Variants in TNR observed in about 807,000 individuals in gnomAD.
The protein encoded by TNR is tenascin-R.
A neutral mutation model predicts 150.4 loss-of-function variants in TNR; 45 were observed. That is an observed-to-expected ratio of 0.30 (90% CI 0.24 to 0.38). TNR has a LOEUF of 0.38. Ranked by LOEUF, TNR falls within the 10% of genes least tolerant of loss-of-function variation. The probability of loss-of-function intolerance (pLI) is 1.00; values close to 1 mark genes in which losing one functional copy is unlikely to be tolerated. For synonymous variants in TNR, 687 were observed against 678.4 expected, an observed-to-expected ratio of 1.01 and a Z score of -0.20; for missense variants, 1,544 against 1,759.1, an observed-to-expected ratio of 0.88 and a Z score of 2.19.
At chr1:175,732,519 A>C (rs1667671819) in intron 1 of TNR, among the ~76,000 whole-genome samples, 1 of 152,244 alleles carries the variant, frequency 6.6e-6, no homozygotes, top group Admixed American at 6.5e-5. Flanking sequence ...AGGGGGTAGG[A>C]CTGGCAGAAC....
intron 4 of TNR, among the ~76,000 whole-genome samples, chr1:175,399,899 T>C (rs1014398132): frequency 6.6e-6 from 1 of 152,244 alleles, no homozygotes; most frequent in Non-Finnish European, 1.5e-5. Context: ...TGTGTCTTAC[T>C]CCAAAGAGTA....
intron 1 of TNR, among the ~76,000 whole-genome samples, chr1:175,638,212 T>C (rs530470676): frequency 1.3e-5 from 2 of 152,214 alleles, no homozygotes; most frequent in Non-Finnish European, 2.9e-5. Context: ...TTATACAGAA[T>C]CCTGCTGGAA....
At chr1:175,417,030 AG>A in intron 2 of TNR, among the ~76,000 whole-genome samples, 1 of 96,976 alleles carries the variant, frequency 1.0e-5, no homozygotes, top group Non-Finnish European at 2.2e-5. Flanking sequence ...AAAGAAAGAA[AG>A]AAAGAAAGAA....
At chr1:175,620,273 C>T (rs1025604755) in intron 1 of TNR, among the ~76,000 whole-genome samples, 4 of 152,160 alleles carry the variant, frequency 2.6e-5, no homozygotes, top group African/African-American at 9.7e-5. Context: ...ACGGATTGCT[C>T]TCAGTTTTAT....
At chr1:175,520,047 A>G (rs755112630) in intron 2 of TNR, among the ~76,000 whole-genome samples, 1 of 152,224 alleles carries the variant, frequency 6.6e-6, no homozygotes, top group African/African-American at 2.4e-5. Flanking sequence ...GGAGATAGTA[A>G]TATTTCCTAC....
chr1:175,534,694 G>A (rs1032468037), intron 1 of TNR, among the ~76,000 whole-genome samples: 7 of 152,186 alleles, frequency 4.6e-5, no homozygotes, highest in Admixed American at 4.6e-4. Flanking sequence ...AGGGGCTGCA[G>A]GATTCTGGCT....
chr1:175,390,309 G>A (rs2102034155), intron 7 of TNR, among the ~76,000 whole-genome samples: 1 of 152,218 alleles, frequency 6.6e-6, no homozygotes, highest in Admixed American at 6.5e-5. Flanking sequence ...TGGCTTTCTG[G>A]TACATCAATT....
rs1393325086 is a variant in TNR, at chr1:175,365,985, C to T, written c.2207G>A (p.Arg736Lys). Reference sequence around the variant, plus strand: ...TAGATCTGTTAGTGTGTATGAGGTCCTGTCCTTGGGTACGGTGACTTCTGA... The same window carrying T: ...TAGATCTGTTAGTGTGTATGAGGTCTTGTCCTTGGGTACGGTGACTTCTGA... ...IASEVTVPKDRTSYTLTDLEP... is the reference protein window; with the variant it reads ...IASEVTVPKDKTSYTLTDLEP... Residue 736 changes from arginine to lysine, a missense_variant, in exon 11 of 23, where the codon AGG (arginine) becomes AAG (lysine). Around this residue, in one of 2 missense-constraint regions of TNR, gnomAD observed 1,254 missense variants for 1,329.4 expected, o/e 0.94. Coordinates refer to ENST00000367674, the MANE Select transcript of TNR (RefSeq NM_003285.3). The T allele has an allele frequency of 1.2e-6, 2 of 1,614,162 alleles. No homozygotes were observed. The highest frequency in any genetic ancestry group is 8.5e-7 in the Non-Finnish European group (1 of 1,180,014).
chr1:175,483,577 G>A (rs1657891432), intron 2 of TNR, among the ~76,000 whole-genome samples: 1 of 152,232 alleles, frequency 6.6e-6, no homozygotes, highest in African/African-American at 2.4e-5. Context: ...GGGCCTGGAT[G>A]TTAGGAGTTT....
chr1:175,517,441 G>A (rs1174805561), intron 2 of TNR, among the ~76,000 whole-genome samples: 1 of 152,096 alleles, frequency 6.6e-6, no homozygotes, highest in African/African-American at 2.4e-5. Flanking sequence ...GATCTCAAAA[G>A]TTTGGTTTGT....
At chr1:175,614,635 T>C (rs953874300) in intron 1 of TNR, among the ~76,000 whole-genome samples, 1 of 152,242 alleles carries the variant, frequency 6.6e-6, no homozygotes, top group African/African-American at 2.4e-5. Flanking sequence ...GCATACACTA[T>C]GGATATGCAC....
At chr1:175,515,638 G>A (rs895159703) in intron 2 of TNR, among the ~76,000 whole-genome samples, 1 of 152,194 alleles carries the variant, frequency 6.6e-6, no homozygotes, top group Non-Finnish European at 1.5e-5. Context: ...CTGAATTGTT[G>A]TGCATTCCTT....
At chr1:175,575,618 T>C (rs1434766954) in intron 1 of TNR, among the ~76,000 whole-genome samples, 1 of 151,576 alleles carries the variant, frequency 6.6e-6, no homozygotes, top group South Asian at 2.1e-4. Context: ...AGAGAGAGAG[T>C]GCCTCAGATT....
intron 20 of TNR, among the ~76,000 whole-genome samples, chr1:175,333,874 A>G (rs2101989007): frequency 6.6e-6 from 1 of 152,352 alleles, no homozygotes; most frequent in East Asian, 1.9e-4. Context: ...CACTCACCAC[A>G]CAAGGAATGT....
chr1:175,594,363 C>G (rs1233956491), intron 1 of TNR, among the ~76,000 whole-genome samples: 1 of 152,090 alleles, frequency 6.6e-6, no homozygotes, highest in Non-Finnish European at 1.5e-5. Flanking sequence ...TGCACTTCTC[C>G]CACCCCTTTT....
intron 2 of TNR, among the ~76,000 whole-genome samples, chr1:175,455,532 C>T (rs1656534093): frequency 6.6e-6 from 1 of 152,164 alleles, no homozygotes; most frequent in Non-Finnish European, 1.5e-5. Context: ...AACATCATAA[C>T]AGATTTGAAA....
chr1:175,722,957 A>C (rs1487543684), intron 1 of TNR, among the ~76,000 whole-genome samples: 1 of 151,598 alleles, frequency 6.6e-6, no homozygotes, highest in Non-Finnish European at 1.5e-5. Flanking sequence ...ATGATGGGTT[A>C]ATTTTTGTAT....
chr1:175,723,287 C>T (rs1051834418), intron 1 of TNR, among the ~76,000 whole-genome samples: 2 of 152,144 alleles, frequency 1.3e-5, no homozygotes, highest in African/African-American at 4.8e-5. Context: ...ACAGTGGATG[C>T]CCTAATGCCC....
rs1649859130 is a variant in TNR, at chr1:175,331,118, C to CTTTCTCTCTCTCTTTCT, written c.3632-884_3632-883insAGAAAGAGAGAGAGAAA. Among the ~76,000 whole-genome samples the CTTTCTCTCTCTCTTTCT allele has an allele frequency of 1.2e-3, 125 of 107,318 alleles. 6 individuals carry two copies. The highest frequency in any genetic ancestry group is 4.8e-3 in the African/African-American group (112 of 23,132). 70.4% of individuals were successfully genotyped at this position (107,318 alleles called of 152,430 possible). A position where few individuals can be genotyped will look rare whatever the true frequency, so the allele number is the denominator to read the frequency against. ...CTTTCTTTCTCTCTCTCTTTCTTTT[C>CTTTCTCTCTCTCTTTCT]TTTCTTTCTTTCTTTTCTTTCTTTC... On this transcript the variant is annotated intron_variant, in intron 20 of 22. Transcript: ENST00000367674.
Sources: allele counts gnomAD v4.1 joint callset (sites outside exome capture counted in the v4.1 genomes callset), GRCh38; gene constraint gnomAD v4.1.1; regional missense constraint gnomAD v4.1.1; transcripts MANE v1.5; gene names NCBI Gene and HGNC (gene_info 2026-07-23, HGNC 2026-07-21).